Variants in CDKAL1 observed in about 807,000 individuals in gnomAD.
CDKAL1 encodes the protein threonylcarbamoyladenosine tRNA methylthiotransferase.
In CDKAL1, 32 loss-of-function variants were observed where a neutral mutation model predicts 68.2. That is an observed-to-expected ratio of 0.47 (90% CI 0.35 to 0.63). The LOEUF (loss-of-function observed/expected upper bound fraction) is 0.63, where lower values mean the gene tolerates loss of function less well. CDKAL1 is among the 30% of genes least tolerant of loss of function. The probability of loss-of-function intolerance (pLI) is 0.00; values close to 1 mark genes in which losing one functional copy is unlikely to be tolerated. For synonymous variants in CDKAL1, 234 were observed against 244.3 expected (o/e 0.96, Z 0.39); for missense variants, 606 against 696.7 (o/e 0.87, Z 1.47).
intron 10 of CDKAL1, among the ~76,000 whole-genome samples, chr6:20,985,461 T>A (rs1444527021): frequency 1.3e-5 from 2 of 152,048 alleles, no homozygotes; most frequent in East Asian, 3.9e-4. Flanking sequence ...TCCCAGCTAA[T>A]TTTTTGTATT....
intron 4 of CDKAL1, among the ~76,000 whole-genome samples, chr6:20,632,954 C>G (rs996325531): frequency 6.6e-6 from 1 of 152,128 alleles, no homozygotes; most frequent in Non-Finnish European, 1.5e-5. Context: ...TTGGTTAGGG[C>G]AGACAGGTGG....
chr6:20,885,716 C>CA (rs1319865595), intron 9 of CDKAL1, among the ~76,000 whole-genome samples: 1 of 152,156 alleles, frequency 6.6e-6, no homozygotes, highest in East Asian at 1.9e-4. Flanking sequence ...ACTGAAAAGA[C>CA]AATCTACAGA....
chr6:21,067,062 T>C (rs1371198856), intron 12 of CDKAL1, among the ~76,000 whole-genome samples: 2 of 152,212 alleles, frequency 1.3e-5, no homozygotes, highest in Non-Finnish European at 2.9e-5. Context: ...CTAAAAAAGC[T>C]TTTGTACTGT....
intron 9 of CDKAL1, among the ~76,000 whole-genome samples, chr6:20,946,527 G>C (rs1206800378): frequency 6.6e-6 from 1 of 151,748 alleles, no homozygotes; most frequent in African/African-American, 2.4e-5. Context: ...AATACGGCTG[G>C]CCTTTAAATG....
chr6:20,957,106 A>T (rs1156573984), intron 10 of CDKAL1, among the ~76,000 whole-genome samples: 1 of 151,792 alleles, frequency 6.6e-6, no homozygotes, highest in Non-Finnish European at 1.5e-5. Flanking sequence ...AGACCAGGAG[A>T]TATACTAGAC....
intron 5 of CDKAL1, among the ~76,000 whole-genome samples, chr6:20,649,778 C>T: frequency 6.6e-6 from 1 of 152,132 alleles, no homozygotes; most frequent in East Asian, 1.9e-4. Context: ...TCCATGTGTT[C>T]TCATTGTTCA....
chr6:21,190,691 T>G (rs565400211), intron 13 of CDKAL1, among the ~76,000 whole-genome samples: 41 of 152,318 alleles, frequency 2.7e-4, no homozygotes, highest in Non-Finnish European at 4.0e-4. Context: ...ATCTTTGCCT[T>G]AGGAAGAGAA....
At chr6:20,579,598 G>A (rs1765059285) in intron 4 of CDKAL1, among the ~76,000 whole-genome samples, 2 of 152,142 alleles carry the variant, frequency 1.3e-5, no homozygotes, top group African/African-American at 4.8e-5. Context: ...TCCCCATGAG[G>A]ATACTGATGT....
At chr6:20,537,921 C>A (rs1763240343) in intron 2 of CDKAL1, among the ~76,000 whole-genome samples, 1 of 152,004 alleles carries the variant, frequency 6.6e-6, no homozygotes, top group African/African-American at 2.4e-5. Context: ...AAAGTAAAAC[C>A]TTTAGCTTAT....
chr6:20,933,703 A>G (rs1355730732), intron 9 of CDKAL1, among the ~76,000 whole-genome samples: 1 of 152,260 alleles, frequency 6.6e-6, no homozygotes, highest in African/African-American at 2.4e-5. Flanking sequence ...GTAAGTGTAT[A>G]TAATTACACC....
At chr6:20,704,959 A>C (rs201668444) in intron 5 of CDKAL1, among the ~76,000 whole-genome samples, 1 of 152,240 alleles carries the variant, frequency 6.6e-6, no homozygotes, top group East Asian at 1.9e-4. Context: ...TGAGAATAAC[A>C]ATTCACATTC....
At chr6:21,074,553 T>C (rs1353139931) in intron 12 of CDKAL1, among the ~76,000 whole-genome samples, 2 of 152,166 alleles carry the variant, frequency 1.3e-5, no homozygotes, top group African/African-American at 2.4e-5. Flanking sequence ...GAAGAGTTTC[T>C]TCTTTATAAA....
chr6:20,737,392 G>C (rs889247725), intron 5 of CDKAL1, among the ~76,000 whole-genome samples: 3 of 152,132 alleles, frequency 2.0e-5, no homozygotes, highest in Admixed American at 6.5e-5. Flanking sequence ...CTTCATTACC[G>C]TGTTCTCTTA....
rs1368762039 is a variant in CDKAL1 at position 20,710,735 on chromosome 6, A to G, written c.372-28784A>G. Among the ~76,000 whole-genome samples the G allele has an allele frequency of 2.6e-5, 4 of 152,220 alleles. No homozygotes were observed. The East Asian group carries it at 5.8e-4, about 22-fold the overall frequency. On this transcript the variant is annotated intron_variant, in intron 5 of 15. Coordinates refer to ENST00000274695, the MANE Select transcript of CDKAL1 (RefSeq NM_017774.3). ...AGAGTCAATATAAAAGGTAATGTGC[A>G]TCTGTTACCTTAATTTACTGAGAAG...
At chr6:20,773,828 G>A (rs920927185) in intron 7 of CDKAL1, among the ~76,000 whole-genome samples, 2 of 152,158 alleles carry the variant, frequency 1.3e-5, no homozygotes, top group Non-Finnish European at 2.9e-5. Flanking sequence ...TTACAGGCTT[G>A]AGCTGCTGCA....
intron 10 of CDKAL1, 137 bp from the exon 11 acceptor site, chr6:21,000,090 G>A: frequency 1.7e-6 from 1 of 574,996 alleles, no homozygotes. Context: ...ACCAACTGAT[G>A]TTCACTTTAA....
chr6:21,104,646 G>A (rs1773759905), intron 12 of CDKAL1, among the ~76,000 whole-genome samples: 1 of 152,126 alleles, frequency 6.6e-6, no homozygotes, highest in Admixed American at 6.5e-5. Flanking sequence ...AATAGCAGTG[G>A]TTTTCAGTTA....
At chr6:20,758,308 T>C (rs901738304) in intron 6 of CDKAL1, among the ~76,000 whole-genome samples, 2 of 152,192 alleles carry the variant, frequency 1.3e-5, no homozygotes, top group Non-Finnish European at 2.9e-5. Context: ...TCTCAGGATA[T>C]GTTGAGTATA....
intron 8 of CDKAL1, among the ~76,000 whole-genome samples, chr6:20,788,267 A>G (rs1775757005): frequency 6.6e-6 from 1 of 152,236 alleles, no homozygotes; most frequent in Non-Finnish European, 1.5e-5. Context: ...AAGTCACACA[A>G]TTTATATGAT....
Sources: gnomAD v4.1 joint callset for allele counts (sites outside exome capture counted in the v4.1 genomes callset) on GRCh38, gnomAD v4.1.1 for gene constraint, MANE v1.5 for transcripts, NCBI Gene and HGNC (gene_info 2026-07-23, HGNC 2026-07-21) for gene names.